NOTCH2NLB: variants seen among roughly 807,000 people sequenced by gnomAD.
The protein encoded by NOTCH2NLB is notch 2 N-terminal like B, also known as notch homolog 2 N-terminal-like protein B.
In NOTCH2NLB, 1 loss-of-function variant was observed where a neutral mutation model predicts 14.8. The ratio of observed to expected loss-of-function variants is 0.07; its 90% CI spans 0.02 to 0.32. NOTCH2NLB has a LOEUF of 0.32. NOTCH2NLB is among the 10% of genes least tolerant of loss of function. The pLI is 1.00. For missense variants in NOTCH2NLB, 11 were observed against 155.0 expected (o/e 0.07, Z 4.93); for synonymous variants, 6 against 57.5 (o/e 0.10, Z 4.05).
rs1286930847 is a variant in NOTCH2NLB, at chr1:148,645,549, A to G, written c.4-5460T>C. Among the ~76,000 whole-genome samples, 2 of 147,712 alleles carry G rather than the reference A, an allele frequency of 1.4e-5. 1 individual carries two copies. Among genetic ancestry groups the G allele is most frequent in the Non-Finnish European group, 3.0e-5 (2 of 66,446 alleles). ...CCTTACGTGCCCAGTATTACTCCCC[A>G]CCACTTCCACTGCATTCTCTGCCCA... On this transcript the variant is annotated intron_variant, in intron 1 of 4. Transcript: ENST00000593495.
intron 1 of NOTCH2NLB, among the ~76,000 whole-genome samples, chr1:148,643,787 TAC>T (rs1476649637): frequency 6.0e-4 from 3 of 5,040 alleles, no homozygotes; most frequent in Non-Finnish European, 1.0e-3. Context: ...TACAAAAAGC[TAC>T]AGTTACACAA....
intron 1 of NOTCH2NLB, among the ~76,000 whole-genome samples, chr1:148,645,907 T>TG (rs1664361619): frequency 6.6e-6 from 1 of 150,518 alleles, no homozygotes; most frequent in Non-Finnish European, 1.5e-5. Context: ...GTTAAGCAGT[T>TG]GAAAGCATGG....
At chr1:148,638,649 C>T (rs1664272248) in intron 2 of NOTCH2NLB, among the ~76,000 whole-genome samples, 2 of 149,084 alleles carry the variant, frequency 1.3e-5, no homozygotes, top group South Asian at 4.3e-4. Context: ...TACTCCAATC[C>T]AAACAACCTA....
chr1:148,615,126 A>G (rs1221850347), intron 3 of NOTCH2NLB, among the ~76,000 whole-genome samples: 1 of 140,684 alleles, frequency 7.1e-6, no homozygotes, highest in Non-Finnish European at 1.6e-5. Flanking sequence ...CTGATTCCCC[A>G]TCCTGGTGTA....
At chr1:148,649,342 T>C (rs1307046658) in intron 1 of NOTCH2NLB, among the ~76,000 whole-genome samples, 4 of 69,246 alleles carry the variant, frequency 5.8e-5, no homozygotes, top group Non-Finnish European at 1.2e-4. Flanking sequence ...GTGCTATATA[T>C]TTGTGTGCTG....
chr1:148,712,526 T>C, the NOTCH2NLB span, among the ~76,000 whole-genome samples: 1 of 152,306 alleles, frequency 6.6e-6, no homozygotes, highest in Non-Finnish European at 1.5e-5. Context: ...CCCAGGGCAC[T>C]CCTATACTGG....
intron 2 of NOTCH2NLB, among the ~76,000 whole-genome samples, chr1:148,633,165 A>G (rs1271509780): frequency 1.6e-5 from 2 of 127,418 alleles, no homozygotes; most frequent in Non-Finnish European, 1.6e-5. Flanking sequence ...CTAATACGCA[A>G]TAATGTTAGC....
intron 2 of NOTCH2NLB, among the ~76,000 whole-genome samples, chr1:148,638,116 G>T (rs1156338649): frequency 6.7e-6 from 1 of 148,674 alleles, no homozygotes; most frequent in Non-Finnish European, 1.5e-5. Context: ...TCAGTAATGG[G>T]ATTGCTGGGC....
intron 3 of NOTCH2NLB, among the ~76,000 whole-genome samples, chr1:148,610,374 AG>A (rs1663660755): frequency 1.1e-5 from 1 of 90,882 alleles, no homozygotes; most frequent in South Asian, 3.8e-4. Flanking sequence ...AGAAAGAAAG[AG>A]AAAGAAAGAA....
intron 1 of NOTCH2NLB, among the ~76,000 whole-genome samples, chr1:148,651,162 A>AATATATCTATAT (rs1664501450): frequency 2.2e-5 from 1 of 46,042 alleles, no homozygotes; most frequent in Non-Finnish European, 4.2e-5. Flanking sequence ...AAAAAAAAAA[A>AATATATCTATAT]ATATATATAT....
At chr1:148,686,736 A>AG in the NOTCH2NLB span, among the ~76,000 whole-genome samples, 1 of 91,074 alleles carries the variant, frequency 1.1e-5, no homozygotes, top group East Asian at 5.1e-4. Flanking sequence ...TAAAAAAAAA[A>AG]AAAAAAAAAA....
chr1:148,609,154 G>C (rs1216202031), intron 3 of NOTCH2NLB, among the ~76,000 whole-genome samples: 1 of 138,996 alleles, frequency 7.2e-6, no homozygotes, highest in Non-Finnish European at 1.6e-5. Context: ...ATGCAGGTTT[G>C]TTACATATGT....
downstream of NOTCH2NLB, among the ~76,000 whole-genome samples, chr1:148,606,437 A>G (rs1663510410): frequency 7.2e-6 from 1 of 139,240 alleles, no homozygotes; most frequent in Non-Finnish European, 1.5e-5. Flanking sequence ...CTGCTTACTT[A>G]GCACATTACT....
At chr1:148,661,567 A>G (rs1222293568) in intron 1 of NOTCH2NLB, among the ~76,000 whole-genome samples, 1 of 150,040 alleles carries the variant, frequency 6.7e-6, no homozygotes, top group African/African-American at 2.4e-5. Context: ...TAGATAATCT[A>G]TGTACCTCAC....
In NOTCH2NLB at chr1:148,622,749, ACT is replaced by A. The variant is rs1663915640; in HGVS notation, c.78-6801_78-6800del. On this transcript the variant is annotated intron_variant, in intron 2 of 4. Coordinates refer to ENST00000593495, the Ensembl canonical transcript of NOTCH2NLB. Reference sequence around the variant, plus strand: ...TACTACTATGTGCTATGGAATACACACTCAGCTAAAATATTCAGAGCCTTATT... The same window carrying A: ...TACTACTATGTGCTATGGAATACACACAGCTAAAATATTCAGAGCCTTATT... 2.7e-5 allele frequency among the ~76,000 whole-genome samples: 2 copies of A among 73,344 alleles called. 1 individual carries two copies. 48.1% of individuals were successfully genotyped at this position (73,344 alleles called of 152,430 possible).
intron 2 of NOTCH2NLB, among the ~76,000 whole-genome samples, chr1:148,625,326 G>C (rs1317940115): frequency 4.2e-5 from 3 of 71,452 alleles, no homozygotes; most frequent in Non-Finnish European, 7.5e-5. Context: ...CTTTGCTGCA[G>C]CTCTGTCTTT....
chr1:148,691,854 C>A, the NOTCH2NLB span, among the ~76,000 whole-genome samples: 5 of 100,330 alleles, frequency 5.0e-5, no homozygotes, highest in Admixed American at 4.9e-4. Flanking sequence ...ACACCCCCCC[C>A]GCTCTTGCTC....
chr1:148,625,512 GAAAA>G (rs1201382427), intron 2 of NOTCH2NLB, among the ~76,000 whole-genome samples: 1 of 101,784 alleles, frequency 9.8e-6, no homozygotes, highest in Non-Finnish European at 1.9e-5. Context: ...GAACGAAGGG[GAAAA>G]AAAAGTCTCA....
At chr1:148,688,098 C>CAA in the NOTCH2NLB span, among the ~76,000 whole-genome samples, 4 of 39,316 alleles carry the variant, frequency 1.0e-4, no homozygotes, top group Admixed American at 2.9e-4. Context: ...ACAACAACAA[C>CAA]AAAAAAAAAA....
Sources: gnomAD v4.1 joint callset for allele counts (sites outside exome capture counted in the v4.1 genomes callset) on GRCh38, gnomAD v4.1.1 for gene constraint, MANE v1.5 for transcripts, NCBI Gene and HGNC (gene_info 2026-07-23, HGNC 2026-07-21) for gene names.